Variants in CPEB3 observed in about 807,000 individuals in gnomAD.
CPEB3 encodes cytoplasmic polyadenylation element-binding protein 3.
In CPEB3, 20 loss-of-function variants were observed where a neutral mutation model predicts 67.2. The observed-to-expected ratio is 0.30, with a 90% CI of 0.21 to 0.43. The LOEUF (loss-of-function observed/expected upper bound fraction) is 0.43. Ranked by LOEUF, CPEB3 falls within the 20% of genes least tolerant of loss-of-function variation. The pLI, the probability that CPEB3 is intolerant of heterozygous loss-of-function variation, is 1.00. For missense variants in CPEB3, 746 were observed against 968.6 expected (o/e 0.77, Z 3.05); for synonymous variants, 376 against 393.1 (o/e 0.96, Z 0.51).
At chr10:92,123,252 A>G (rs1466596749) in intron 6 of CPEB3, among the ~76,000 whole-genome samples, 4 of 152,178 alleles carry the variant, frequency 2.6e-5, no homozygotes, top group Non-Finnish European at 5.9e-5. Flanking sequence ...AAGTCTGCCA[A>G]TCTGTCAGTT....
chr10:92,065,492 A>ATTAG (rs1371973285), intron 9 of CPEB3, among the ~76,000 whole-genome samples: 1 of 152,154 alleles, frequency 6.6e-6, no homozygotes, highest in Admixed American at 6.5e-5. Flanking sequence ...AAGTGCTAGG[A>ATTAG]TTACAGGCAT....
intron 2 of CPEB3, among the ~76,000 whole-genome samples, chr10:92,220,027 G>A (rs531134916): frequency 2.0e-5 from 3 of 152,128 alleles, no homozygotes; most frequent in Admixed American, 6.6e-5. Flanking sequence ...GTGTGGTGGC[G>A]CATGCCTGTC....
chr10:92,080,534 G>A (rs1253958190), intron 9 of CPEB3, among the ~76,000 whole-genome samples: 1 of 152,124 alleles, frequency 6.6e-6, no homozygotes, highest in Non-Finnish European at 1.5e-5. Context: ...AGTTGAAGAG[G>A]AGACTGAAGG....
intron 2 of CPEB3, among the ~76,000 whole-genome samples, chr10:92,198,647 T>C (rs896449798): frequency 2.6e-5 from 4 of 152,246 alleles, no homozygotes; most frequent in Non-Finnish European, 2.9e-5. Flanking sequence ...AAATTAACCA[T>C]GTGCTAGGCA....
chr10:92,144,122 C>T (rs1846567305), intron 5 of CPEB3, among the ~76,000 whole-genome samples: 1 of 151,858 alleles, frequency 6.6e-6, no homozygotes, highest in South Asian at 2.1e-4. Flanking sequence ...TGACAACTTA[C>T]CGTGTGCTAA....
rs1337398317 is a variant in CPEB3 at position 92,052,238 on chromosome 10, G to A, written c.2071C>T (p.Arg691Cys). ...PLVKEGGDRP[R>C]HVPFRWS ...CAGCTCCAGCGGAACGGGACGTGAC[G>A]AGGGCGGTCGCCTCCCTCCTTCACC... The change falls in exon 10 of 10, where the codon CGT becomes TGT. Residue 691 changes from arginine to cysteine, a missense_variant. Transcript: ENST00000265997. 3 of 1,613,750 alleles carry A rather than the reference G, an allele frequency of 1.9e-6. No individual in the cohort carries two copies. The highest frequency in any genetic ancestry group is 2.5e-6 in the Non-Finnish European group (3 of 1,179,840).
chr10:92,185,094 T>C (rs1590330572), intron 3 of CPEB3, among the ~76,000 whole-genome samples: 1 of 152,236 alleles, frequency 6.6e-6, no homozygotes, highest in South Asian at 2.1e-4. Context: ...CAAATACTGC[T>C]GTTTAATCAG....
chr10:92,216,798 C>T, intron 2 of CPEB3: 1 of 1,609,378 alleles, frequency 6.2e-7, no homozygotes. Context: ...CTATGAGGAG[C>T]TCCGGTAGCA....
intron 2 of CPEB3, among the ~76,000 whole-genome samples, chr10:92,220,781 C>T (rs995497404): frequency 6.6e-6 from 1 of 152,058 alleles, no homozygotes; most frequent in Non-Finnish European, 1.5e-5. Flanking sequence ...GGCTGTTTAC[C>T]AATAGAAACA....
intron 1 of CPEB3, among the ~76,000 whole-genome samples, chr10:92,279,131 A>G (rs1426158107): frequency 6.6e-6 from 1 of 152,162 alleles, no homozygotes; most frequent in Non-Finnish European, 1.5e-5. Flanking sequence ...ATAGGGGGAA[A>G]GCATTCAGTC....
chr10:92,147,173 T>G (rs953682839), intron 4 of CPEB3, among the ~76,000 whole-genome samples: 2 of 152,118 alleles, frequency 1.3e-5, no homozygotes, highest in Non-Finnish European at 2.9e-5. Context: ...AAACATTAAC[T>G]GGCCAGGCAT....
intron 6 of CPEB3, among the ~76,000 whole-genome samples, chr10:92,115,096 G>A (rs1844944009): frequency 6.6e-6 from 1 of 152,188 alleles, no homozygotes. Flanking sequence ...AAAGAGCTGC[G>A]GGGCGCGGGA....
chr10:92,198,611 A>G (rs1338664795), intron 2 of CPEB3, among the ~76,000 whole-genome samples: 1 of 152,232 alleles, frequency 6.6e-6, no homozygotes, highest in Non-Finnish European at 1.5e-5. Context: ...ATCTGGGGAT[A>G]AAAGTAGCTC....
chr10:92,247,583 G>A (rs562388309), intron 1 of CPEB3, among the ~76,000 whole-genome samples: 29 of 152,204 alleles, frequency 1.9e-4, no homozygotes, highest in African/African-American at 7.0e-4. Context: ...TTTTAGTAGA[G>A]ATGGGGTTTC....
chr10:92,094,098 G>A (rs946752969), intron 7 of CPEB3, among the ~76,000 whole-genome samples: 7 of 151,702 alleles, frequency 4.6e-5, no homozygotes, highest in African/African-American at 7.2e-5. Flanking sequence ...CAAGGGATCC[G>A]CCCACCTCGG....
intron 2 of CPEB3, among the ~76,000 whole-genome samples, chr10:92,227,966 C>A (rs1851069968): frequency 6.6e-6 from 1 of 152,054 alleles, no homozygotes; most frequent in African/African-American, 2.4e-5. Context: ...TAGCTCACTG[C>A]AACCTCCACC....
At chr10:92,079,312 A>G (rs918215470) in intron 9 of CPEB3, among the ~76,000 whole-genome samples, 1 of 152,180 alleles carries the variant, frequency 6.6e-6, no homozygotes, top group Non-Finnish European at 1.5e-5. Flanking sequence ...AGCAATGGGT[A>G]AATACTGGAG....
intron 9 of CPEB3, among the ~76,000 whole-genome samples, chr10:92,061,598 C>T (rs1393268990): frequency 6.6e-6 from 1 of 152,204 alleles, no homozygotes; most frequent in East Asian, 1.9e-4. Flanking sequence ...ACAAACATCA[C>T]ATGTTCTCAC....
Position 92,191,703 on chromosome 10 carries a change from C to T in CPEB3, c.1165+774G>A, listed in dbSNP as rs191551866. On this transcript the variant is annotated intron_variant, in intron 3 of 9. Coordinates refer to ENST00000265997, the MANE Select transcript of CPEB3 (RefSeq NM_014912.5). ...CCCATGGCTACCTCTTCACAGTTTTCGGAAATTTAGATCTTAACCCAAGTA... is the reference window on the plus strand; with the variant it reads ...CCCATGGCTACCTCTTCACAGTTTTTGGAAATTTAGATCTTAACCCAAGTA... 7.6e-3 allele frequency among the ~76,000 whole-genome samples: 1,153 copies of T among 152,192 alleles called. 7 individuals are homozygous for T. The highest frequency in any genetic ancestry group is 0.013 in the Non-Finnish European group (909 of 68,012).
Sources: gnomAD v4.1 joint callset for allele counts (sites outside exome capture counted in the v4.1 genomes callset) on GRCh38, gnomAD v4.1.1 for gene constraint, MANE v1.5 for transcripts, NCBI Gene and HGNC (gene_info 2026-07-23, HGNC 2026-07-21) for gene names.